Variants in CPA3 observed in about 807,000 individuals in gnomAD.
CPA3 encodes carboxypeptidase A3.
Under a neutral mutation model 55.8 loss-of-function variants are expected in CPA3, and 52 were observed. That is an observed-to-expected ratio of 0.93 (90% CI 0.75 to 1.17). CPA3 has a LOEUF of 1.17. Among genes scored for constraint, CPA3 ranks in the 50% most tolerant of loss-of-function variants. The probability of loss-of-function intolerance (pLI) is 0.00; values close to 1 mark genes in which losing one functional copy is unlikely to be tolerated. For synonymous variants in CPA3, 179 were observed against 171.2 expected (o/e 1.05, Z -0.36); for missense variants, 547 against 509.1 (o/e 1.07, Z -0.72).
In CPA3 at chr3:148,886,788, A is replaced by C. The variant is rs1714542834; in HGVS notation, c.1066+611A>C. Among the ~76,000 whole-genome samples, 4 of 152,178 alleles carry C rather than the reference A, an allele frequency of 2.6e-5. No homozygotes were observed. In the South Asian group the frequency reaches 8.3e-4, roughly 31 times the overall value. On this transcript the variant is annotated intron_variant, in intron 10 of 10. Coordinates refer to ENST00000296046, the MANE Select transcript of CPA3 (RefSeq NM_001870.4). ...GGACTCTTTCTTACTTGCCTTGTCT[A>C]CATGTAAGTATGGTCTTTTCCCTAG...
chr3:148,873,206 T>C (rs531948974), intron 3 of CPA3, among the ~76,000 whole-genome samples: 3 of 152,328 alleles, frequency 2.0e-5, no homozygotes, highest in Admixed American at 2.0e-4. Flanking sequence ...ATTAGGGAGT[T>C]ACCAGGGGGA....
chr3:148,881,626 G>A lies in CPA3; in HGVS notation c.681G>A (p.Trp227Ter). The A allele has an allele frequency of 6.2e-7, 1 of 1,600,888 alleles. No individual in the cohort carries two copies. Among genetic ancestry groups the A allele is most frequent in the Non-Finnish European group, 8.6e-7 (1 of 1,169,316 alleles). Residue 227 changes from tryptophan to a stop codon, truncating the protein, a stop_gained, in exon 7 of 11, where the codon TGG becomes TGA. Transcript: ENST00000296046. LOFTEE classifies it high-confidence loss of function. Reference sequence around the variant, plus strand: ...ATGTTGATGGATATATTTGGTCATGGACAAAGGTACTGCTCTCTACTCTCT... The same window carrying A: ...ATGTTGATGGATATATTTGGTCATGAACAAAGGTACTGCTCTCTACTCTCT... Reference protein sequence around the residue: ...VFNVDGYIWSWTKNRMWRKNR... With the variant: ...VFNVDGYIWS
intron 10 of CPA3, 35 bp downstream of exon 10, chr3:148,886,212 C>T (rs1308241700): frequency 1.4e-6 from 2 of 1,425,336 alleles, no homozygotes; most frequent in East Asian, 4.7e-5. Flanking sequence ...AGCCCTTTTC[C>T]CTAATTATTT....
chr3:148,896,519 G>T lies in CPA3; in HGVS notation c.1067-1G>T. On this transcript the variant is annotated splice_acceptor_variant, in intron 10 of 10. Transcript: ENST00000296046. LOFTEE classifies it high-confidence loss of function. ...AAATATTTACTGCTTGTGTTTTACA[G>T]ACCCGATATCAGGTTCTTCTTTAGA... 6.6e-7 allele frequency: 1 copy of T among 1,504,278 alleles called. No homozygotes were observed. Among genetic ancestry groups the T allele is most frequent in the South Asian group, 1.4e-5 (1 of 73,912 alleles). The allele number at this position is 1,504,278 out of a possible 1,614,324, so 93.2% of individuals were successfully genotyped here. A position where few individuals can be genotyped will look rare whatever the true frequency, so the allele number is the denominator to read the frequency against.
chr3:148,869,191 A>G, intron 3 of CPA3, 152 bp downstream of exon 3: 1 of 891,738 alleles, frequency 1.1e-6, no homozygotes, highest in South Asian at 1.8e-5. Flanking sequence ...ACTTCCAAAC[A>G]CATTATCGAA....
At chr3:148,876,694 T>C (rs1165362836) in intron 3 of CPA3, among the ~76,000 whole-genome samples, 1 of 152,086 alleles carries the variant, frequency 6.6e-6, no homozygotes, top group Non-Finnish European at 1.5e-5. Context: ...TTATTTAAAA[T>C]AGGTGAAATT....
intron 3 of CPA3, among the ~76,000 whole-genome samples, chr3:148,876,300 ATATT>A (rs1000500883): frequency 2.7e-4 from 41 of 151,658 alleles, no homozygotes; most frequent in Middle Eastern, 3.2e-3. Context: ...TAAAATTCTT[ATATT>A]TATTTATAAT....
intron 10 of CPA3, among the ~76,000 whole-genome samples, chr3:148,895,887 A>G (rs1018038418): frequency 6.6e-6 from 1 of 152,202 alleles, no homozygotes; most frequent in African/African-American, 2.4e-5. Context: ...TTGTATATGT[A>G]TATAGCCTCT....
intron 9 of CPA3, 91 bp downstream of exon 9, chr3:148,883,906 C>T: frequency 2.1e-6 from 2 of 950,300 alleles, no homozygotes; most frequent in Non-Finnish European, 3.3e-6. Flanking sequence ...GAAAGAATTT[C>T]ACATTTTAAT....
In CPA3 at chr3:148,878,639, C is replaced by G; in HGVS notation, c.373-8C>G. 6.3e-7 allele frequency: 1 copy of G among 1,595,182 alleles called. No homozygotes were observed. The highest frequency in any genetic ancestry group is 8.6e-7 in the Non-Finnish European group (1 of 1,167,758). ...TTCTAATTTCTCAAAATTGATTTTGCTCTTAAGATTGTGGCTTGGACTGAA... is the reference window on the plus strand; with the variant it reads ...TTCTAATTTCTCAAAATTGATTTTGGTCTTAAGATTGTGGCTTGGACTGAA... On this transcript the variant is annotated splice_region_variant and splice_polypyrimidine_tract_variant and intron_variant, in intron 4 of 10. Coordinates refer to ENST00000296046, the MANE Select transcript of CPA3 (RefSeq NM_001870.4).
rs1714848525 is a variant in CPA3 at position 148,896,950 on chromosome 3, A to T, written c.*243A>T. On this transcript the variant is annotated 3_prime_UTR_variant, in exon 11 of 11. Transcript: ENST00000296046. ...CAAGTGAAGTTTGGACCCAGCAGAA[A>T]GCATTATTTTGAAAGGTGATATACA... is the stretch of plus-strand genomic sequence containing the variant. The T allele has an allele frequency of 3.0e-6, 1 of 329,148 alleles. No individual in the cohort carries two copies. The highest frequency in any genetic ancestry group is 4.5e-5 in the Admixed American group (1 of 22,054). The allele number at this position is 329,148 out of a possible 1,614,324, so 20.4% of individuals were successfully genotyped here. A position where few individuals can be genotyped will look rare whatever the true frequency, so the allele number is the denominator to read the frequency against.
chr3:148,886,784 G>T (rs765146255), intron 10 of CPA3, among the ~76,000 whole-genome samples: 1 of 152,088 alleles, frequency 6.6e-6, no homozygotes, highest in Non-Finnish European at 1.5e-5. Flanking sequence ...TACTTGCCTT[G>T]TCTACATGTA....
chr3:148,875,253 A>G (rs1001286368), intron 3 of CPA3, among the ~76,000 whole-genome samples: 9 of 152,256 alleles, frequency 5.9e-5, no homozygotes, highest in Admixed American at 2.6e-4. Context: ...AAAAAAATAC[A>G]TGTGCATTTC....
At chr3:148,894,231 A>C (rs879395247) in intron 10 of CPA3, among the ~76,000 whole-genome samples, 1 of 152,176 alleles carries the variant, frequency 6.6e-6, no homozygotes, top group Non-Finnish European at 1.5e-5. Context: ...AAAAGTGGGA[A>C]GGGAAAAAGG....
intron 10 of CPA3, among the ~76,000 whole-genome samples, chr3:148,893,244 A>G (rs1414849106): frequency 6.8e-6 from 1 of 146,092 alleles, no homozygotes; most frequent in Non-Finnish European, 1.5e-5. Flanking sequence ...TGCCATCATT[A>G]AAAAAAAAAT....
intron 3 of CPA3, among the ~76,000 whole-genome samples, chr3:148,875,264 A>G (rs1211830476): frequency 2.6e-5 from 4 of 152,268 alleles, no homozygotes; most frequent in Admixed American, 6.5e-5. Context: ...TGTGCATTTC[A>G]TTACCAAAAG....
At chr3:148,865,722 CT>C (rs1713884464) in intron 2 of CPA3, among the ~76,000 whole-genome samples, 174 bp downstream of exon 2, 1 of 152,150 alleles carries the variant, frequency 6.6e-6, no homozygotes, top group South Asian at 2.1e-4. Flanking sequence ...TGGTTTTGGT[CT>C]TGGTTTCCAA....
chr3:148,887,142 T>C (rs1160312907), intron 10 of CPA3, among the ~76,000 whole-genome samples: 1 of 152,182 alleles, frequency 6.6e-6, no homozygotes, highest in Non-Finnish European at 1.5e-5. Flanking sequence ...AAGGGCCAGA[T>C]AGTAAATAGC....
intron 3 of CPA3, among the ~76,000 whole-genome samples, chr3:148,872,455 A>G (rs190554300): frequency 2.6e-5 from 4 of 152,352 alleles, no homozygotes; most frequent in Admixed American, 2.6e-4. Context: ...ATATAATAAG[A>G]AAACTCAAAT....
Sources: allele counts gnomAD v4.1 joint callset (sites outside exome capture counted in the v4.1 genomes callset), GRCh38; gene constraint gnomAD v4.1.1; transcripts MANE v1.5; gene names NCBI Gene and HGNC (gene_info 2026-07-23, HGNC 2026-07-21).